Variants in RBFOX1 observed in about 807,000 individuals in gnomAD.
The protein encoded by RBFOX1 is RNA binding protein fox-1 homolog 1.
RBFOX1 carries 8 observed loss-of-function variants against 57.7 expected under a neutral mutation model. The ratio of observed to expected loss-of-function variants is 0.14; its 90% confidence interval spans 0.08 to 0.25. The LOEUF (loss-of-function observed/expected upper bound fraction) is 0.25. RBFOX1 is among the 10% of genes least tolerant of loss of function. The probability of loss-of-function intolerance (pLI) is 1.00; values close to 1 mark genes in which losing one functional copy is unlikely to be tolerated. For missense variants in RBFOX1, 611 were observed against 548.5 expected, an observed-to-expected ratio of 1.11 and a Z score of -1.14; for synonymous variants, 326 against 222.4, an observed-to-expected ratio of 1.47 and a Z score of -4.15.
chr16:6,889,078 T>C (rs2064821769), intron 3 of RBFOX1, among the ~76,000 whole-genome samples: 1 of 152,112 alleles, frequency 6.6e-6, no homozygotes, highest in Non-Finnish European at 1.5e-5. Flanking sequence ...TAGACACGGG[T>C]TGGTTAGAGG....
At chr16:7,193,515 C>T (rs1187204276) in intron 4 of RBFOX1, among the ~76,000 whole-genome samples, 1 of 152,202 alleles carries the variant, frequency 6.6e-6, no homozygotes, top group African/African-American at 2.4e-5. Flanking sequence ...GGCAAGTAAT[C>T]AATATAACTG....
intron 3 of RBFOX1, among the ~76,000 whole-genome samples, chr16:6,690,070 T>G (rs2059989274): frequency 6.6e-6 from 1 of 152,232 alleles, no homozygotes; most frequent in Non-Finnish European, 1.5e-5. Context: ...TTATTTATTT[T>G]TGCTTTTTTT....
At chr16:6,210,847 A>C (rs1054633884) in intron 1 of RBFOX1, among the ~76,000 whole-genome samples, 1 of 152,210 alleles carries the variant, frequency 6.6e-6, no homozygotes, top group Non-Finnish European at 1.5e-5. Flanking sequence ...GGCAGTCCTT[A>C]AGTGAACGGT....
chr16:7,061,391 A>T (rs1456311289), intron 4 of RBFOX1, among the ~76,000 whole-genome samples: 2 of 152,348 alleles, frequency 1.3e-5, no homozygotes, highest in African/African-American at 4.8e-5. Context: ...CTGATCAAGA[A>T]ATCAGCCAAC....
intron 2 of RBFOX1, among the ~76,000 whole-genome samples, chr16:5,504,349 C>T (rs1255627753): frequency 6.6e-6 from 1 of 152,230 alleles, no homozygotes. Flanking sequence ...CTTGGCTCTG[C>T]AACGCTTGCC....
intron 1 of RBFOX1, among the ~76,000 whole-genome samples, chr16:5,452,356 G>A (rs996802868): frequency 6.6e-6 from 1 of 151,790 alleles, no homozygotes; most frequent in Non-Finnish European, 1.5e-5. Context: ...TGATCCACCC[G>A]CCTCGACCTC....
chr16:7,452,608 T>C (rs2057587945), intron 4 of RBFOX1, among the ~76,000 whole-genome samples: 1 of 152,218 alleles, frequency 6.6e-6, no homozygotes, highest in Non-Finnish European at 1.5e-5. Context: ...GCATGAAATG[T>C]ATCAGGCACT....
intron 2 of RBFOX1, among the ~76,000 whole-genome samples, chr16:5,559,654 C>G (rs996175825): frequency 1.3e-5 from 2 of 152,182 alleles, no homozygotes; most frequent in Non-Finnish European, 2.9e-5. Context: ...GGAAGTTGCT[C>G]TATCAATTTT....
chr16:6,334,352 C>T (rs2083382690), intron 2 of RBFOX1, among the ~76,000 whole-genome samples: 1 of 151,786 alleles, frequency 6.6e-6, no homozygotes, highest in Non-Finnish European at 1.5e-5. Flanking sequence ...TACTAAAATA[C>T]AAAGAATTAG....
intron 4 of RBFOX1, among the ~76,000 whole-genome samples, chr16:7,237,745 C>A (rs964958067): frequency 1.1e-4 from 17 of 152,204 alleles, no homozygotes; most frequent in African/African-American, 3.1e-4. Context: ...GTGGCTCTAG[C>A]CTGCAATCCC....
intron 3 of RBFOX1, among the ~76,000 whole-genome samples, chr16:7,009,647 GGC>G (rs1173602164): frequency 1.8e-4 from 27 of 152,214 alleles, no homozygotes; most frequent in African/African-American, 6.5e-4. Context: ...CTACCGTCTG[GGC>G]ACTTGTCACC....
At chr16:6,374,189 G>C (rs2090871089) in intron 2 of RBFOX1, among the ~76,000 whole-genome samples, 1 of 152,214 alleles carries the variant, frequency 6.6e-6, no homozygotes, top group Non-Finnish European at 1.5e-5. Context: ...AATTATTCAA[G>C]TAGTCTACTT....
At chr16:7,585,293 T>G (rs2094042603) in intron 6 of RBFOX1, among the ~76,000 whole-genome samples, 1 of 152,236 alleles carries the variant, frequency 6.6e-6, no homozygotes, top group Admixed American at 6.5e-5. Context: ...TTTCTTCTAT[T>G]TCCAGTGATT....
At chr16:6,232,449 A>G (rs982704112) in intron 1 of RBFOX1, among the ~76,000 whole-genome samples, 2 of 152,208 alleles carry the variant, frequency 1.3e-5, no homozygotes, top group African/African-American at 4.8e-5. Flanking sequence ...CTAACATGAC[A>G]GCCCTTTGGG....
intron 4 of RBFOX1, among the ~76,000 whole-genome samples, chr16:7,439,903 A>G (rs1471518903): frequency 6.6e-6 from 1 of 151,832 alleles, no homozygotes; most frequent in Non-Finnish European, 1.5e-5. Flanking sequence ...ATTAGCAGTC[A>G]AGGCTCCAGG....
At chr16:6,973,364 A>G (rs1014235423) in intron 3 of RBFOX1, among the ~76,000 whole-genome samples, 1 of 152,220 alleles carries the variant, frequency 6.6e-6, no homozygotes, top group Non-Finnish European at 1.5e-5. Context: ...AATGGTTGGC[A>G]TTTCAGAGAT....
At chr16:5,372,342 C>A (rs1167962939) in intron 1 of RBFOX1, among the ~76,000 whole-genome samples, 1 of 152,122 alleles carries the variant, frequency 6.6e-6, no homozygotes, top group Non-Finnish European at 1.5e-5. Flanking sequence ...TCTTTCTCCC[C>A]CAATAAAGAT....
intron 4 of RBFOX1, among the ~76,000 whole-genome samples, chr16:7,144,417 C>CTTTTTTTTTT (rs1190886141): frequency 4.2e-4 from 28 of 66,920 alleles, no homozygotes; most frequent in East Asian, 1.4e-3. Flanking sequence ...TTTCTTTCTT[C>CTTTTTTTTTT]TTTTTTTTTT....
chr16:6,177,047 C>G (rs965007981), intron 1 of RBFOX1, among the ~76,000 whole-genome samples: 4 of 152,176 alleles, frequency 2.6e-5, no homozygotes, highest in Admixed American at 2.6e-4. Flanking sequence ...TTTATTTCAG[C>G]AACTGAAAAC....
Sources: gnomAD v4.1 joint callset for allele counts (sites outside exome capture counted in the v4.1 genomes callset) on GRCh38, gnomAD v4.1.1 for gene constraint, MANE v1.5 for transcripts, NCBI Gene and HGNC (gene_info 2026-07-23, HGNC 2026-07-21) for gene names.